The following SHMT1 variants were observed in gnomAD, a reference collection of about 807,000 sequenced individuals.
SHMT1 encodes serine hydroxymethyltransferase, cytosolic.
A neutral mutation model predicts 49.0 loss-of-function variants in SHMT1; 45 were observed. That is an observed-to-expected ratio of 0.92 (90% CI 0.72 to 1.18). SHMT1 has a LOEUF of 1.18. Among genes scored for constraint, SHMT1 ranks in the 50% most tolerant of loss-of-function variants. The pLI is 0.00. For synonymous variants in SHMT1, 232 were observed against 246.6 expected (o/e 0.94, Z 0.55); for missense variants, 541 against 612.4 (o/e 0.88, Z 1.23).
At chr17:18,343,222 C>T (rs1984710122) in intron 5 of SHMT1, among the ~76,000 whole-genome samples, 1 of 151,984 alleles carries the variant, frequency 6.6e-6, no homozygotes, top group Non-Finnish European at 1.5e-5. Context: ...AAGTCAATTC[C>T]AAACAGATTG....
chr17:18,331,898 A>T (rs189242725), intron 9 of SHMT1: 61 of 152,260 alleles, frequency 4.0e-4, no homozygotes, highest in African/African-American at 1.4e-3. Flanking sequence ...TTAGATTCTC[A>T]TAAGGATGCA....
At chr17:18,335,769 C>T in intron 7 of SHMT1, 94 bp from the exon 8 acceptor site, 2 of 907,772 alleles carry the variant, frequency 2.2e-6, no homozygotes, top group Admixed American at 3.4e-5. Flanking sequence ...AAGAATCAAG[C>T]ACAAGCCTGG....
intron 7 of SHMT1, among the ~76,000 whole-genome samples, chr17:18,337,553 TCCCTCC>T (rs946975188): frequency 6.0e-5 from 8 of 132,612 alleles, no homozygotes; most frequent in Middle Eastern, 4.1e-3. Context: ...CCTCTCCCTC[TCCCTCC>T]CCCTCCCCCT....
At chr17:18,353,202 G>A (rs1371488319) in intron 3 of SHMT1, among the ~76,000 whole-genome samples, 1 of 152,134 alleles carries the variant, frequency 6.6e-6, no homozygotes, top group African/African-American at 2.4e-5. Flanking sequence ...TAATTCTGAG[G>A]GTGAAAGAGT....
In SHMT1 at chr17:18,328,555, A is replaced by G. The variant is rs1297819688; in HGVS notation, c.*195T>C. On this transcript the variant is annotated 3_prime_UTR_variant, in exon 12 of 12. Transcript: ENST00000316694. ...TTTAAATCCTTTAATAACCTGTCCCAGAATTACTAACAATGAGACTTAAAC... is the reference window on the plus strand; with the variant it reads ...TTTAAATCCTTTAATAACCTGTCCCGGAATTACTAACAATGAGACTTAAAC... 9.9e-6 allele frequency: 6 copies of G among 608,914 alleles called. No homozygotes were observed. Among genetic ancestry groups the G allele is most frequent in the African/African-American group, 5.6e-5 (3 of 53,958 alleles). The allele number at this position is 608,914 out of a possible 1,614,324, so 37.7% of individuals were successfully genotyped here.
At position 18,329,355 on chromosome 17, in the gene SHMT1, C is replaced by T. The variant is rs199985045; in HGVS notation, c.1205G>A (p.Arg402Gln). The part of the protein sequence containing the change: ...DRSALRPSGL[R>Q]LGTPALTSRG... The stretch of plus-strand genomic sequence containing the variant: ...GGACGTCAGTGCTGGGGTCCCCAGC[C>T]GCAGTCCACTGGGCCGCAGAGCGCT... The change falls in exon 11 of 12, where the codon CGG becomes CAG. Residue 402 changes from arginine (R) to glutamine (Q), a missense_variant. Coordinates refer to ENST00000316694, the MANE Select transcript of SHMT1 (RefSeq NM_004169.5). 12 of 1,612,856 alleles carry T rather than the reference C, an allele frequency of 7.4e-6. No individual in the cohort carries two copies. The highest frequency in any genetic ancestry group is 4.5e-5 in the East Asian group (2 of 44,878).
intron 2 of SHMT1, among the ~76,000 whole-genome samples, 194 bp from the exon 3 acceptor site, chr17:18,354,011 G>A (rs146176487): frequency 7.2e-5 from 11 of 152,292 alleles, no homozygotes; most frequent in Admixed American, 2.6e-4. Context: ...AGCCAGGTGC[G>A]GTGGCTCACG....
chr17:18,347,370 A>C, intron 5 of SHMT1, 126 bp downstream of exon 5: 2 of 1,126,442 alleles, frequency 1.8e-6, no homozygotes, highest in Non-Finnish European at 1.3e-6. Flanking sequence ...GCTGCAAGGA[A>C]ATTAAAAACG....
At position 18,333,034 on chromosome 17, in the gene SHMT1, C is replaced by T. The variant is rs1440372205; in HGVS notation, c.1054+132G>A. 4.2e-6 allele frequency: 5 copies of T among 1,202,048 alleles called. No homozygotes were observed. The Admixed American group carries it at 5.5e-5, about 13-fold the overall frequency. The allele number at this position is 1,202,048 out of a possible 1,614,324, so 74.5% of individuals were successfully genotyped here. On this transcript the variant is annotated intron_variant, in intron 9 of 11. Transcript: ENST00000316694. ...CTTTCCAGTTGGAGGCGAGGCTGAC[C>T]TCCTCCCAAGGTGGGCCCATCATTG...
chr17:18,343,203 TA>T (rs532215917), intron 5 of SHMT1, among the ~76,000 whole-genome samples: 15 of 149,280 alleles, frequency 1.0e-4, no homozygotes, highest in African/African-American at 1.2e-4. Flanking sequence ...ATAATTTGTT[TA>T]AAAAAAAAAG....
intron 5 of SHMT1, among the ~76,000 whole-genome samples, chr17:18,344,857 T>C (rs1444695688): frequency 6.6e-6 from 1 of 152,170 alleles, no homozygotes; most frequent in African/African-American, 2.4e-5. Context: ...TTAATGTTGC[T>C]GTTGCTCTAG....
intron 9 of SHMT1, chr17:18,330,988 T>C (rs2151563610): frequency 5.0e-6 from 2 of 400,708 alleles, no homozygotes; most frequent in South Asian, 4.2e-5. Flanking sequence ...TTCCCTAACA[T>C]TGATGGTAAA....
intron 8 of SHMT1, 22 bp downstream of exon 8, chr17:18,335,537 G>C: frequency 6.6e-7 from 1 of 1,511,324 alleles, no homozygotes; most frequent in Non-Finnish European, 9.2e-7. Flanking sequence ...TACAGGATGA[G>C]CAGAGGCAGA....
intron 5 of SHMT1, among the ~76,000 whole-genome samples, chr17:18,347,191 TGGTTGCTATTCCCCAG>T (rs1985171704): frequency 6.6e-6 from 1 of 152,210 alleles, no homozygotes; most frequent in African/African-American, 2.4e-5. Flanking sequence ...TGTAGTGACC[TGGTTGCTATTCCCCAG>T]GGTTGCTATT....
intron 9 of SHMT1, chr17:18,331,535 T>C (rs1430160182): frequency 6.5e-6 from 1 of 152,880 alleles, no homozygotes; most frequent in African/African-American, 2.4e-5. Context: ...GCAAGCATTA[T>C]CTGTCTCAGC....
chr17:18,345,236 G>A (rs1223368335), intron 5 of SHMT1, among the ~76,000 whole-genome samples: 2 of 152,194 alleles, frequency 1.3e-5, no homozygotes, highest in African/African-American at 4.8e-5. Flanking sequence ...TGGCTGGAGG[G>A]AACTGGGTGC....
At chr17:18,329,201 G>C in intron 11 of SHMT1, 77 bp downstream of exon 11, 1 of 1,093,092 alleles carries the variant, frequency 9.1e-7, no homozygotes, top group Non-Finnish European at 1.4e-6. Context: ...TTCAGTGGCA[G>C]GGTCTCAGCT....
chr17:18,348,704 G>A, intron 3 of SHMT1: 1 of 569,068 alleles, frequency 1.8e-6, no homozygotes, highest in South Asian at 1.4e-5. Flanking sequence ...GCTGGGAGAG[G>A]TGGCTTATAC....
intron 5 of SHMT1, among the ~76,000 whole-genome samples, chr17:18,346,654 T>C (rs1985109698): frequency 6.6e-6 from 1 of 152,186 alleles, no homozygotes; most frequent in South Asian, 2.1e-4. Context: ...AAGCTCATCA[T>C]TAAGCTGAAA....
Sources: allele counts gnomAD v4.1 joint callset (sites outside exome capture counted in the v4.1 genomes callset), GRCh38; gene constraint gnomAD v4.1.1; transcripts MANE v1.5; gene names NCBI Gene and HGNC (gene_info 2026-07-23, HGNC 2026-07-21).